NPSR1: variants seen among roughly 807,000 people sequenced by gnomAD.
The protein encoded by NPSR1 is neuropeptide S receptor.
Under a neutral mutation model 46.9 loss-of-function variants are expected in NPSR1, and 48 were observed. That is an observed-to-expected ratio of 1.02 (90% confidence interval 0.81 to 1.30). NPSR1 has a LOEUF of 1.30. Among genes scored for constraint, NPSR1 ranks in the 50% most tolerant of loss-of-function variants. NPSR1 has a pLI of 0.00. For missense variants in NPSR1, 450 were observed against 449.5 expected (o/e 1.00, Z -0.01); for synonymous variants, 176 against 168.1 (o/e 1.05, Z -0.36).
chr7:34,715,742 G>A (rs970068211), intron 2 of NPSR1, among the ~76,000 whole-genome samples: 55 of 152,132 alleles, frequency 3.6e-4, no homozygotes, highest in African/African-American at 1.1e-3. Context: ...CATAAGCCTC[G>A]CCTATTTTGT....
chr7:34,725,130 C>T (rs376244172), intron 2 of NPSR1, among the ~76,000 whole-genome samples: 2 of 151,400 alleles, frequency 1.3e-5, no homozygotes, highest in African/African-American at 4.9e-5. Context: ...CACACAGACA[C>T]ACACACACAC....
intron 2 of NPSR1, among the ~76,000 whole-genome samples, chr7:34,718,188 CAAT>C (rs1250040121): frequency 6.6e-6 from 1 of 151,988 alleles, no homozygotes; most frequent in Non-Finnish European, 1.5e-5. Context: ...TTGTAAATAA[CAAT>C]AATAAAATGT....
intron 3 of NPSR1, among the ~76,000 whole-genome samples, chr7:34,786,698 T>A (rs567515348): frequency 6.6e-6 from 1 of 152,270 alleles, no homozygotes; most frequent in South Asian, 2.1e-4. Flanking sequence ...GATGTTGTGT[T>A]AGCAGAAATG....
chr7:34,784,846 A>T (rs2128740068), intron 3 of NPSR1, among the ~76,000 whole-genome samples: 1 of 152,282 alleles, frequency 6.6e-6, no homozygotes, highest in African/African-American at 2.4e-5. Context: ...ATCTCACACC[A>T]GTTAGAATGG....
At chr7:34,710,202 G>A (rs1783205926) in intron 2 of NPSR1, among the ~76,000 whole-genome samples, 1 of 152,080 alleles carries the variant, frequency 6.6e-6, no homozygotes, top group Non-Finnish European at 1.5e-5. Flanking sequence ...ATATTAGAAA[G>A]GCCACCTTCT....
chr7:34,844,988 C>T lies in NPSR1; in HGVS notation c.844+6C>T. ...TAGCATCATCATCATTCTTGGTAAG[C>T]AATGTCCCTCCTTGAGCTGTAAAGT... is the stretch of plus-strand genomic sequence containing the variant. On this transcript the variant is annotated splice_donor_region_variant and intron_variant, in intron 7 of 8. Transcript: ENST00000360581. The T allele has an allele frequency of 6.3e-7, 1 of 1,598,578 alleles. No individual in the cohort carries two copies.
intron 2 of NPSR1, among the ~76,000 whole-genome samples, chr7:34,726,085 G>A (rs536493499): frequency 6.6e-6 from 1 of 152,298 alleles, no homozygotes; most frequent in East Asian, 1.9e-4. Flanking sequence ...CCAGGCTCAG[G>A]TACGTCTTTA....
chr7:34,864,651 A>G (rs1270511492), intron 8 of NPSR1, among the ~76,000 whole-genome samples: 2 of 151,912 alleles, frequency 1.3e-5, no homozygotes, highest in Non-Finnish European at 2.9e-5. Flanking sequence ...CAATGTTCCT[A>G]GGCCATGCAC....
intron 8 of NPSR1, among the ~76,000 whole-genome samples, chr7:34,874,439 G>T (rs1791530657): frequency 6.6e-6 from 1 of 152,010 alleles, no homozygotes. Context: ...ATGAAAATGG[G>T]CACCGGTTAA....
At chr7:34,750,999 A>G in intron 2 of NPSR1, 1 of 770,858 alleles carries the variant, frequency 1.3e-6, no homozygotes, top group East Asian at 2.5e-5. Context: ...GAGCTCATTG[A>G]AGAACTTCTT....
chr7:34,791,121 ATATAT>A (rs1168916006), intron 3 of NPSR1, among the ~76,000 whole-genome samples: 4 of 100,742 alleles, frequency 4.0e-5, no homozygotes, highest in Admixed American at 1.1e-4. Context: ...ATATAATATA[ATATAT>A]ATGTTATATA....
At chr7:34,866,549 G>A (rs73094724) in intron 8 of NPSR1, among the ~76,000 whole-genome samples, 5 of 148,408 alleles carry the variant, frequency 3.4e-5, no homozygotes, top group African/African-American at 5.0e-5. Flanking sequence ...GACTTGGGTG[G>A]TCAAGGTCAC....
chr7:34,876,646 G>A (rs1791581716), intron 8 of NPSR1, among the ~76,000 whole-genome samples: 1 of 152,042 alleles, frequency 6.6e-6, no homozygotes, highest in Non-Finnish European at 1.5e-5. Context: ...TATTTAAGTG[G>A]GGACTTCAAA....
chr7:34,665,916 C>T (rs531335794), intron 1 of NPSR1, among the ~76,000 whole-genome samples: 1 of 152,236 alleles, frequency 6.6e-6, no homozygotes, highest in South Asian at 2.1e-4. Flanking sequence ...TTAGGGACAC[C>T]TTTAGATCCT....
At chr7:34,858,794 G>C (rs1181975033) in intron 8 of NPSR1, among the ~76,000 whole-genome samples, 1 of 151,768 alleles carries the variant, frequency 6.6e-6, no homozygotes, top group African/African-American at 2.4e-5. Flanking sequence ...CTGTCCCCAT[G>C]ATTCAGTCAT....
chr7:34,685,771 G>C (rs897242269), intron 2 of NPSR1: 7 of 372,210 alleles, frequency 1.9e-5, no homozygotes, highest in African/African-American at 1.6e-4. Context: ...CCACCTGCTT[G>C]AGCTGGGCTG....
intron 1 of NPSR1, among the ~76,000 whole-genome samples, chr7:34,669,555 C>G (rs12701378): frequency 6.8e-5 from 10 of 147,990 alleles, no homozygotes; most frequent in African/African-American, 1.5e-4. Context: ...GGCGACAGAG[C>G]GAGACTCTGT....
At chr7:34,844,375 T>C (rs1324626151) in intron 6 of NPSR1, among the ~76,000 whole-genome samples, 1 of 152,228 alleles carries the variant, frequency 6.6e-6, no homozygotes, top group Non-Finnish European at 1.5e-5. Flanking sequence ...GAAAAAAATG[T>C]ATATCCAAGC....
At chr7:34,691,008 C>A (rs1340388459) in intron 2 of NPSR1, among the ~76,000 whole-genome samples, 1 of 152,124 alleles carries the variant, frequency 6.6e-6, no homozygotes, top group Admixed American at 6.5e-5. Flanking sequence ...AAGGAAATTT[C>A]ATAAGACTAA....
Sources: allele counts gnomAD v4.1 joint callset (sites outside exome capture counted in the v4.1 genomes callset), GRCh38; gene constraint gnomAD v4.1.1; transcripts MANE v1.5; gene names NCBI Gene and HGNC (gene_info 2026-07-23, HGNC 2026-07-21).